SLIT3: variants seen among roughly 807,000 people sequenced by gnomAD.
SLIT3 encodes slit guidance ligand 3.
A neutral mutation model predicts 184.0 loss-of-function variants in SLIT3; 68 were observed. The ratio of observed to expected loss-of-function variants is 0.37; its 90% CI spans 0.30 to 0.45. The LOEUF (loss-of-function observed/expected upper bound fraction) is 0.45. SLIT3 is among the 20% of genes least tolerant of loss of function. The pLI, the probability that SLIT3 is intolerant of heterozygous loss-of-function variation, is 1.00. For synonymous variants in SLIT3, 831 were observed against 828.6 expected (o/e 1.00, Z -0.05); for missense variants, 1,707 against 2,026.0 (o/e 0.84, Z 3.02).
intron 5 of SLIT3, among the ~76,000 whole-genome samples, chr5:168,855,836 A>T (rs1561970079): frequency 6.6e-6 from 1 of 152,026 alleles, no homozygotes; most frequent in Admixed American, 6.6e-5. Context: ...CTAAACTGAC[A>T]TTTTTTCCCC....
intron 5 of SLIT3, among the ~76,000 whole-genome samples, chr5:168,866,673 A>C (rs1028140419): frequency 9.9e-5 from 15 of 152,204 alleles, no homozygotes; most frequent in Non-Finnish European, 2.1e-4. Context: ...ACAGTGAGTC[A>C]GATTAATGTA....
chr5:168,689,698 G>GTACAA (rs1376208675), intron 29 of SLIT3, among the ~76,000 whole-genome samples: 1 of 152,172 alleles, frequency 6.6e-6, no homozygotes, highest in Admixed American at 6.5e-5. Context: ...GAGAGGGAAC[G>GTACAA]TACAAGGAGA....
intron 4 of SLIT3, among the ~76,000 whole-genome samples, chr5:168,916,214 T>C (rs143065586): frequency 6.6e-6 from 1 of 152,370 alleles, no homozygotes; most frequent in Non-Finnish European, 1.5e-5. Context: ...TCTAAGGCTC[T>C]TTTTAGATGG....
At chr5:168,964,444 C>T (rs983922205) in intron 4 of SLIT3, among the ~76,000 whole-genome samples, 11 of 152,292 alleles carry the variant, frequency 7.2e-5, no homozygotes, top group Non-Finnish European at 1.3e-4. Context: ...CATAGTTTTA[C>T]GTATTATTGG....
chr5:169,176,128 A>G (rs917571374), intron 4 of SLIT3, among the ~76,000 whole-genome samples: 2 of 152,158 alleles, frequency 1.3e-5, no homozygotes, highest in Non-Finnish European at 2.9e-5. Flanking sequence ...ATTGAAGGAA[A>G]CCAAGTCCTC....
At chr5:168,884,567 T>A in intron 4 of SLIT3, among the ~76,000 whole-genome samples, 1 of 126,042 alleles carries the variant, frequency 7.9e-6, no homozygotes, top group East Asian at 2.3e-4. Flanking sequence ...TATATATATA[T>A]ATATATATAT....
intron 4 of SLIT3, among the ~76,000 whole-genome samples, chr5:168,920,249 C>T (rs1043249513): frequency 1.3e-5 from 2 of 152,298 alleles, no homozygotes; most frequent in Non-Finnish European, 2.9e-5. Flanking sequence ...TGCACACTTA[C>T]CTGATTCACC....
intron 20 of SLIT3, among the ~76,000 whole-genome samples, chr5:168,731,057 A>G (rs565512387): frequency 6.9e-4 from 105 of 151,416 alleles, no homozygotes; most frequent in Non-Finnish European, 6.3e-4. Context: ...CCAAGAAAAG[A>G]AGAGGGAAGA....
At chr5:169,076,933 C>T (rs1365116407) in intron 4 of SLIT3, among the ~76,000 whole-genome samples, 2 of 151,014 alleles carry the variant, frequency 1.3e-5, no homozygotes, top group African/African-American at 2.5e-5. Flanking sequence ...ACAAAAATCC[C>T]TCTCTCTCAT....
intron 32 of SLIT3, among the ~76,000 whole-genome samples, chr5:168,678,157 A>T (rs1218430302): frequency 2.0e-5 from 3 of 152,160 alleles, no homozygotes; most frequent in Non-Finnish European, 4.4e-5. Context: ...GTAGGTGCTC[A>T]TGGGTTAACA....
At chr5:169,217,128 G>T (rs1764461899) in intron 3 of SLIT3, among the ~76,000 whole-genome samples, 1 of 81,908 alleles carries the variant, frequency 1.2e-5, no homozygotes, top group African/African-American at 5.8e-5. Flanking sequence ...CCTTGAGTAG[G>T]TTAAAAAAAA....
At chr5:168,997,945 A>G (rs544066583) in intron 4 of SLIT3, among the ~76,000 whole-genome samples, 9 of 152,094 alleles carry the variant, frequency 5.9e-5, no homozygotes, top group Non-Finnish European at 1.2e-4. Flanking sequence ...AACCTTTCCC[A>G]GAATTTGAGG....
intron 3 of SLIT3, among the ~76,000 whole-genome samples, chr5:169,237,055 A>G (rs1765226022): frequency 6.6e-6 from 1 of 152,132 alleles, no homozygotes; most frequent in Non-Finnish European, 1.5e-5. Context: ...CCATATCCCC[A>G]GGGGAAACAA....
At chr5:168,805,361 G>T (rs1756918178) in intron 9 of SLIT3, among the ~76,000 whole-genome samples, 1 of 152,018 alleles carries the variant, frequency 6.6e-6, no homozygotes, top group Non-Finnish European at 1.5e-5. Flanking sequence ...GAAGAAAGGG[G>T]GGAGATTACG....
At chr5:168,963,659 A>T (rs1310076999) in intron 4 of SLIT3, among the ~76,000 whole-genome samples, 1 of 152,176 alleles carries the variant, frequency 6.6e-6, no homozygotes, top group Non-Finnish European at 1.5e-5. Flanking sequence ...CTTGTCTAGC[A>T]GTGTGTTAGG....
intron 1 of SLIT3, among the ~76,000 whole-genome samples, chr5:169,293,384 T>G (rs931441873): frequency 6.6e-6 from 1 of 152,128 alleles, no homozygotes. Context: ...ATCATGCTGA[T>G]GGAAGACCAA....
chr5:168,763,037 A>G (rs1755213975), intron 14 of SLIT3, among the ~76,000 whole-genome samples: 1 of 152,122 alleles, frequency 6.6e-6, no homozygotes, highest in African/African-American at 2.4e-5. Context: ...GTGCAGGTGT[A>G]CAGTCTACGA....
At position 168,762,545 on chromosome 5, in the gene SLIT3, G is replaced by T. The variant is rs750504474; in HGVS notation, c.1604C>A (p.Thr535Asn). Residue 535 changes from threonine to asparagine, a missense_variant, in exon 15 of 36, where the codon ACC becomes AAC. Thr to Asn is a moderately conservative substitution (Grantham distance 65). Around this residue, in one of 3 missense-constraint regions of SLIT3, gnomAD observed 1,307 missense variants for 1,511.6 expected, o/e 0.86. Coordinates refer to ENST00000519560, the MANE Select transcript of SLIT3 (RefSeq NM_003062.4). ...ACGCCGAGGTTGGACTTACAGGTCG[G>T]TGACATATTCAGGGAGGTGGCTTGG... The part of the protein sequence containing the change: ...RIPSHLPEYV[T>N]DLRLNDNEVS... 6.2e-7 allele frequency: 1 copy of T among 1,613,458 alleles called. No homozygotes were observed.
intron 20 of SLIT3, among the ~76,000 whole-genome samples, chr5:168,735,107 C>G (rs759231949): frequency 6.6e-6 from 1 of 152,188 alleles, no homozygotes; most frequent in South Asian, 2.1e-4. Context: ...GCCCTCTTGC[C>G]CCACCAGCCT....
Sources: allele counts gnomAD v4.1 joint callset (sites outside exome capture counted in the v4.1 genomes callset), GRCh38; gene constraint gnomAD v4.1.1; regional missense constraint gnomAD v4.1.1; transcripts MANE v1.5; gene names NCBI Gene and HGNC (gene_info 2026-07-23, HGNC 2026-07-21).